PCSK6: variants seen among roughly 807,000 people sequenced by gnomAD.
PCSK6 encodes the protein paired basic amino acid cleaving enzyme 4.
In PCSK6, 85 loss-of-function variants were observed where a neutral mutation model predicts 123.3. That is an observed-to-expected ratio of 0.69 (90% CI 0.58 to 0.83). PCSK6 has a LOEUF of 0.83. PCSK6 is among the 40% of genes least tolerant of loss of function. PCSK6 has a pLI of 0.00. For synonymous variants in PCSK6, 508 were observed against 516.0 expected (o/e 0.98, Z 0.21); for missense variants, 1,191 against 1,282.3 (o/e 0.93, Z 1.09).
intron 1 of PCSK6, chr15:101,463,161 CA>C (rs2057377053): frequency 2.2e-6 from 1 of 456,130 alleles, no homozygotes; most frequent in Non-Finnish European, 4.4e-6. Flanking sequence ...TCTTAAAAAT[CA>C]CACACAGGGG....
chr15:101,386,095 C>T (rs146954336), intron 9 of PCSK6, among the ~76,000 whole-genome samples: 6 of 152,122 alleles, frequency 3.9e-5, no homozygotes, highest in Admixed American at 1.3e-4. Flanking sequence ...AGCCTTGTCT[C>T]GGTGCACGTT....
At chr15:101,487,110 CA>C (rs1248871455) in intron 1 of PCSK6, among the ~76,000 whole-genome samples, 1 of 152,224 alleles carries the variant, frequency 6.6e-6, no homozygotes, top group Non-Finnish European at 1.5e-5. Flanking sequence ...GGTAGAGGCT[CA>C]AATGCTCCAG....
At chr15:101,391,471 G>A (rs182496214) in intron 8 of PCSK6, among the ~76,000 whole-genome samples, 60 of 152,342 alleles carry the variant, frequency 3.9e-4, no homozygotes, top group Non-Finnish European at 6.8e-4. Flanking sequence ...CCCCTCCTGA[G>A]TCCTAGTGCC....
rs111949623 is a variant in PCSK6, at chr15:101,386,899, C to T, written c.1311-2474G>A. ...GGAGTCTGTTTAATTTTTTCAAGGA[C>T]GCGCTACACTGTTTTGTATGGCGGC... On this transcript the variant is annotated intron_variant, in intron 9 of 21. Coordinates refer to ENST00000611716, the MANE Select transcript of PCSK6 (RefSeq NM_002570.5). Among the ~76,000 whole-genome samples the T allele has an allele frequency of 2.4e-3, 373 of 152,256 alleles. 2 individuals carry two copies. Among genetic ancestry groups the T allele is most frequent in the African/African-American group, 8.1e-3 (337 of 41,542 alleles).
At position 101,472,766 on chromosome 15, in the gene PCSK6, G is replaced by C. The variant is rs144268594; in HGVS notation, c.297+16608C>G. Among the ~76,000 whole-genome samples the C allele has an allele frequency of 5.9e-5, 9 of 152,344 alleles. No homozygotes were observed. The East Asian group carries it at 1.7e-3, about 29-fold the overall frequency. On this transcript the variant is annotated intron_variant, in intron 1 of 21. Transcript: ENST00000611716. The stretch of plus-strand genomic sequence containing the variant: ...GGAAAGTAGAACCAACTTGGAATAA[G>C]AAAATAAATTGGGTTAAGACAGGAT...
At chr15:101,366,696 C>G (rs918660977) in intron 12 of PCSK6, among the ~76,000 whole-genome samples, 3 of 152,168 alleles carry the variant, frequency 2.0e-5, no homozygotes, top group Non-Finnish European at 2.9e-5. Flanking sequence ...TCCCACCCAG[C>G]AACAATCTTA....
At chr15:101,371,213 A>T (rs1468675843) in intron 11 of PCSK6, among the ~76,000 whole-genome samples, 2 of 152,128 alleles carry the variant, frequency 1.3e-5, no homozygotes, top group African/African-American at 4.8e-5. Flanking sequence ...ACTCAAAAAT[A>T]AAATAAAATA....
At chr15:101,443,012 T>C (rs187829790) in intron 2 of PCSK6, among the ~76,000 whole-genome samples, 168 of 152,334 alleles carry the variant, frequency 1.1e-3, no homozygotes, top group African/African-American at 4.0e-3. Context: ...TAACTGTTGA[T>C]TGATCTTTCT....
chr15:101,452,289 G>A (rs2057055243), intron 1 of PCSK6, among the ~76,000 whole-genome samples: 1 of 152,098 alleles, frequency 6.6e-6, no homozygotes, highest in Non-Finnish European at 1.5e-5. Context: ...TGTGGTCTCG[G>A]CCTATATTTT....
At chr15:101,369,062 C>G (rs1249559622) in intron 12 of PCSK6, among the ~76,000 whole-genome samples, 1 of 152,078 alleles carries the variant, frequency 6.6e-6, no homozygotes, top group Non-Finnish European at 1.5e-5. Context: ...GTGGGATGGG[C>G]TGAGCTTGGT....
rs773902223 is a variant in PCSK6 at position 101,432,074 on chromosome 15, C to T, written c.429G>A (p.Val143=). The T allele has an allele frequency of 1.2e-6, 2 of 1,613,646 alleles. No homozygotes were observed. Among genetic ancestry groups the T allele is most frequent in the South Asian group, 2.2e-5 (2 of 90,938 alleles). Residue 143 remains valine, a synonymous_variant, in exon 3 of 22, where the codon GTG becomes GTA. Coordinates refer to ENST00000611716, the MANE Select transcript of PCSK6 (RefSeq NM_002570.5). ...GCACCTGTCTCTTCACCCTTCGTTT[C>T]ACTTCCTGTTGCTGGAGCCATTTCA... ...PQVKWLQQQE[V]KRRVKRQVRS...
At chr15:101,406,789 C>T (rs2042794502) in intron 6 of PCSK6, among the ~76,000 whole-genome samples, 1 of 152,080 alleles carries the variant, frequency 6.6e-6, no homozygotes, top group Non-Finnish European at 1.5e-5. Flanking sequence ...CGGGGGATCA[C>T]CAAGCCAAAT....
chr15:101,328,051 G>C (rs573902270), intron 15 of PCSK6, among the ~76,000 whole-genome samples: 1 of 152,090 alleles, frequency 6.6e-6, no homozygotes, highest in South Asian at 2.1e-4. Flanking sequence ...CCTCATCCTG[G>C]GTCATCTATG....
rs934564762 is a variant in PCSK6, at chr15:101,318,232, C to T, written c.2569+87G>A. ...ATGCTGCAATAAATGCAGAAGCCCA[C>T]GAAGTCCTAGGGCTTTCTCGGGTTC... On this transcript the variant is annotated intron_variant, in intron 19 of 21. Transcript: ENST00000611716. 9.2e-5 allele frequency: 87 copies of T among 945,512 alleles called. 1 individual carries two copies. The African/African-American group carries it at 1.3e-3, about 14-fold the overall frequency. 58.6% of individuals were successfully genotyped at this position (945,512 alleles called of 1,614,324 possible).
Position 101,329,353 on chromosome 15 carries a change from C to T in PCSK6, c.2077+2298G>A, listed in dbSNP as rs951776751. ...TGGTATCACCATCTTCTCCACCGTT[C>T]ACGCCATCCAAGAACAGCACACCAG... is the stretch of plus-strand genomic sequence containing the variant. On this transcript the variant is annotated intron_variant, in intron 15 of 21. Coordinates refer to ENST00000611716, the MANE Select transcript of PCSK6 (RefSeq NM_002570.5). Among the ~76,000 whole-genome samples, 3 of 152,346 alleles carry T rather than the reference C, an allele frequency of 2.0e-5. No homozygotes were observed. In the South Asian group the frequency reaches 6.2e-4, roughly 32 times the overall value.
intron 18 of PCSK6, among the ~76,000 whole-genome samples, chr15:101,320,208 C>A (rs1374208248): frequency 6.6e-6 from 1 of 152,208 alleles, no homozygotes; most frequent in Non-Finnish European, 1.5e-5. Flanking sequence ...GCCTCAGCCT[C>A]CCGAGTAGCT....
chr15:101,484,099 C>T (rs7168496), intron 1 of PCSK6, among the ~76,000 whole-genome samples: 5,157 of 152,242 alleles, frequency 0.034, 286 homozygotes, highest in African/African-American at 0.12. Context: ...CACATCACCA[C>T]ATGTAATATA....
At chr15:101,318,460 CAA>C in intron 18 of PCSK6, 38 bp from the exon 19 acceptor site, 2 of 1,498,612 alleles carry the variant, frequency 1.3e-6, no homozygotes, top group South Asian at 2.4e-5. Flanking sequence ...ACATCCATTC[CAA>C]AAGTCTAATT....
intron 1 of PCSK6, among the ~76,000 whole-genome samples, chr15:101,463,683 G>A (rs1293934378): frequency 1.3e-5 from 2 of 152,162 alleles, no homozygotes; most frequent in African/African-American, 4.8e-5. Flanking sequence ...GAGTCTGTGT[G>A]TGTGAATAAG....
Sources: allele counts gnomAD v4.1 joint callset (sites outside exome capture counted in the v4.1 genomes callset), GRCh38; gene constraint gnomAD v4.1.1; transcripts MANE v1.5; gene names NCBI Gene and HGNC (gene_info 2026-07-23, HGNC 2026-07-21).